DOP1A: variants seen among roughly 807,000 people sequenced by gnomAD.
DOP1A encodes the protein DOP1 leucine zipper like protein A.
Under a neutral mutation model 267.6 loss-of-function variants are expected in DOP1A, and 90 were observed. The observed-to-expected ratio is 0.34, with a 90% confidence interval of 0.28 to 0.40. DOP1A has a LOEUF of 0.40. Among genes scored for constraint, DOP1A ranks in the 10% least tolerant of loss-of-function variants. The pLI is 1.00. For missense variants in DOP1A, 2,437 were observed against 2,900.4 expected, an observed-to-expected ratio of 0.84 and a Z score of 3.67; for synonymous variants, 932 against 999.1, an observed-to-expected ratio of 0.93 and a Z score of 1.27.
At chr6:83,124,538 T>G (rs1411716179) in intron 12 of DOP1A, among the ~76,000 whole-genome samples, 167 bp from the exon 13 acceptor site, 1 of 152,122 alleles carries the variant, frequency 6.6e-6, no homozygotes, top group African/African-American at 2.4e-5. Flanking sequence ...TTGAGAATTT[T>G]CCATGAAGAG....
At chr6:83,107,256 A>T (rs1020626771) in intron 4 of DOP1A, among the ~76,000 whole-genome samples, 1 of 152,130 alleles carries the variant, frequency 6.6e-6, no homozygotes, top group Admixed American at 6.5e-5. Flanking sequence ...TACAGAAAAG[A>T]AAAAAGATAA....
chr6:83,113,294 A>G (rs1774876573), intron 6 of DOP1A, 29 bp from the exon 7 acceptor site: 1 of 1,581,514 alleles, frequency 6.3e-7, no homozygotes, highest in Non-Finnish European at 8.7e-7. Flanking sequence ...CATAATAGAC[A>G]ATAGATGTTA....
chr6:83,093,494 CTA>C (rs373033442), intron 1 of DOP1A, among the ~76,000 whole-genome samples: 124 of 152,186 alleles, frequency 8.1e-4, no homozygotes, highest in African/African-American at 2.5e-3. Context: ...TGTTAAAAAA[CTA>C]TTGTTTGAGA....
intron 37 of DOP1A, 71 bp downstream of exon 37, chr6:83,160,031 C>T: frequency 1.4e-6 from 2 of 1,471,314 alleles, no homozygotes; most frequent in East Asian, 2.3e-5. Context: ...ACATCTATGA[C>T]TAATTAAAAA....
At chr6:83,140,550 CT>C in intron 23 of DOP1A, 147 bp downstream of exon 23, 1 of 674,520 alleles carries the variant, frequency 1.5e-6, no homozygotes. Context: ...TGGGCTATGG[CT>C]GACGTATCAT....
intron 20 of DOP1A, 124 bp downstream of exon 20, chr6:83,136,002 C>G (rs1778811931): frequency 1.7e-6 from 2 of 1,145,700 alleles, no homozygotes; most frequent in Non-Finnish European, 2.4e-6. Flanking sequence ...ATTTTCTCCC[C>G]TCCTCATGCA....
intron 1 of DOP1A, among the ~76,000 whole-genome samples, chr6:83,093,045 C>G (rs1030463624): frequency 6.6e-6 from 1 of 152,250 alleles, no homozygotes; most frequent in Non-Finnish European, 1.5e-5. Context: ...ACTGTGTTTT[C>G]CTCCCCACAT....
At chr6:83,141,482 A>G (rs1269803730) in intron 23 of DOP1A, among the ~76,000 whole-genome samples, 2 of 152,200 alleles carry the variant, frequency 1.3e-5, no homozygotes, top group East Asian at 1.9e-4. Context: ...GGGAAGTGGG[A>G]AAAGGGTAAG....
chr6:83,137,564 A>G lies in DOP1A; in HGVS notation c.3522A>G (p.Gln1174=), dbSNP rs149112963. 6.2e-5 allele frequency: 100 copies of G among 1,613,728 alleles called. No individual in the cohort carries two copies. The highest frequency in any genetic ancestry group is 7.6e-5 in the Non-Finnish European group (90 of 1,179,830). ...TGGAATCTGCATCAGTTACATCTCAATTAGAAATTGAAGCTATGCCCCCAA... is the reference window on the plus strand; with the variant it reads ...TGGAATCTGCATCAGTTACATCTCAGTTAGAAATTGAAGCTATGCCCCCAA... ...LEVESASVTS[Q]LEIEAMPPKC... is the part of the protein sequence containing the mutation. The change falls in exon 21 of 39, where the codon CAA becomes CAG. Residue 1174 remains glutamine (Q), a synonymous_variant. Transcript: ENST00000349129.
chr6:83,146,237 C>A (rs941244419), intron 25 of DOP1A, among the ~76,000 whole-genome samples: 2 of 152,164 alleles, frequency 1.3e-5, no homozygotes, highest in Non-Finnish European at 2.9e-5. Context: ...TTTTTCTGCT[C>A]TTTGTTCAAG....
chr6:83,152,639 G>C (rs1781935895), intron 30 of DOP1A, among the ~76,000 whole-genome samples: 1 of 126,922 alleles, frequency 7.9e-6, no homozygotes, highest in Non-Finnish European at 1.7e-5. Context: ...TTTTTTTTGA[G>C]ACAGTTTCAC....
In DOP1A at chr6:83,159,835, C is replaced by A. The variant is rs1419183292; in HGVS notation, c.6837C>A (p.Tyr2279Ter). The A allele has an allele frequency of 6.2e-7, 1 of 1,614,150 alleles. No individual in the cohort carries two copies. The highest frequency in any genetic ancestry group is 8.5e-7 in the Non-Finnish European group (1 of 1,180,042). Residue 2279 changes from tyrosine (Y) to a stop codon, truncating the protein, a stop_gained, in exon 37 of 39, where the codon TAC (tyrosine) becomes TAA (stop). Coordinates refer to ENST00000349129, the MANE Select transcript of DOP1A (RefSeq NM_015018.4). LOFTEE classifies it high-confidence loss of function. ...CTGTGGCTGGTCTGGAGACAACGTA[C>A]ACAGGAGGTAATGGCTTCTCTACTT... is the stretch of plus-strand genomic sequence containing the variant. ...GPSVAGLETT[Y>*]TGGNGFSTSY...
chr6:83,169,126 C>T, downstream of DOP1A: 1 of 1,521,430 alleles, frequency 6.6e-7, no homozygotes, highest in Non-Finnish European at 8.8e-7. Context: ...ATCCAGTAGG[C>T]TGCATTGTAA....
chr6:83,073,457 G>C lies in DOP1A; in HGVS notation c.-147+5678G>C, dbSNP rs79214187. 4.6e-3 allele frequency among the ~76,000 whole-genome samples: 707 copies of C among 152,232 alleles called. 6 individuals are homozygous for C. The highest frequency in any genetic ancestry group is 0.016 in the African/African-American group (654 of 41,528). On this transcript the variant is annotated intron_variant, in intron 1 of 38. Transcript: ENST00000349129. ...TATGGCCTCTGACATTTTTTGGAAGGCTGTCCTCAAAGCACTGTTCCCCAA... is the reference window on the plus strand; with the variant it reads ...TATGGCCTCTGACATTTTTTGGAAGCCTGTCCTCAAAGCACTGTTCCCCAA...
intron 7 of DOP1A, among the ~76,000 whole-genome samples, chr6:83,113,849 T>C (rs1774970071): frequency 6.6e-6 from 1 of 152,208 alleles, no homozygotes; most frequent in Admixed American, 6.5e-5. Context: ...TATTCTATAG[T>C]ACTTTTATTA....
downstream of DOP1A, chr6:83,170,384 T>C: frequency 1.9e-6 from 3 of 1,614,170 alleles, no homozygotes; most frequent in Non-Finnish European, 2.5e-6. Context: ...AAGCTTGTAC[T>C]TCTTCACCAG....
intron 7 of DOP1A, among the ~76,000 whole-genome samples, chr6:83,117,541 A>G (rs571157599): frequency 1.3e-5 from 2 of 152,282 alleles, no homozygotes; most frequent in African/African-American, 4.8e-5. Flanking sequence ...TTTTGATTTT[A>G]CTGCAAGTAC....
At chr6:83,080,466 C>G (rs1767895354) in intron 1 of DOP1A, among the ~76,000 whole-genome samples, 1 of 152,170 alleles carries the variant, frequency 6.6e-6, no homozygotes, top group African/African-American at 2.4e-5. Context: ...GGAATTATAT[C>G]TCCCTTTGCC....
chr6:83,110,059 A>G, intron 5 of DOP1A, 66 bp from the exon 6 acceptor site: 2 of 1,470,432 alleles, frequency 1.4e-6, no homozygotes, highest in South Asian at 1.5e-5. Context: ...TTGGAAAAGA[A>G]TGATTTATTT....
Sources: allele counts gnomAD v4.1 joint callset (sites outside exome capture counted in the v4.1 genomes callset), GRCh38; gene constraint gnomAD v4.1.1; transcripts MANE v1.5; gene names NCBI Gene and HGNC (gene_info 2026-07-23, HGNC 2026-07-21).